Variants in ALOX12 observed in about 807,000 individuals in gnomAD.
The protein encoded by ALOX12 is arachidonate 12-lipoxygenase, 12S type, also known as polyunsaturated fatty acid lipoxygenase ALOX12.
Under a neutral mutation model 85.5 loss-of-function variants are expected in ALOX12, and 62 were observed. The observed-to-expected ratio is 0.73, with a 90% CI of 0.59 to 0.90. The LOEUF is 0.90. ALOX12 is among the 40% of genes least tolerant of loss of function. ALOX12 has a pLI of 0.00. For missense variants in ALOX12, 751 were observed against 856.5 expected (o/e 0.88, Z 1.54); for synonymous variants, 299 against 332.7 (o/e 0.90, Z 1.10).
At chr17:7,003,817 T>A (rs1908836545) in intron 8 of ALOX12, among the ~76,000 whole-genome samples, 1 of 152,152 alleles carries the variant, frequency 6.6e-6, no homozygotes, top group Non-Finnish European at 1.5e-5. Flanking sequence ...ACATTTGGCA[T>A]CTTTCATGAA....
chr17:7,003,373 A>G (rs1299922961), intron 8 of ALOX12, among the ~76,000 whole-genome samples: 2 of 152,236 alleles, frequency 1.3e-5, no homozygotes, highest in Non-Finnish European at 2.9e-5. Flanking sequence ...ATTAAAGGTT[A>G]AAATGACTTA....
chr17:7,003,202 C>A (rs1208556014), intron 8 of ALOX12, among the ~76,000 whole-genome samples: 1 of 152,174 alleles, frequency 6.6e-6, no homozygotes, highest in Non-Finnish European at 1.5e-5. Flanking sequence ...ATGCCATGCC[C>A]CAGCGGACAG....
chr17:7,008,757 AAAG>A (rs1380547071), intron 11 of ALOX12, among the ~76,000 whole-genome samples: 1 of 151,990 alleles, frequency 6.6e-6, no homozygotes, highest in Non-Finnish European at 1.5e-5. Flanking sequence ...AAAAAAAAAA[AAAG>A]ATTATCGGGT....
In ALOX12 at chr17:7,000,294, G is replaced by A. The variant is rs749281217; in HGVS notation, c.808-42G>A. The A allele has an allele frequency of 1.2e-6, 2 of 1,608,584 alleles. No homozygotes were observed. Among genetic ancestry groups the A allele is most frequent in the Non-Finnish European group, 1.7e-6 (2 of 1,175,896 alleles). On this transcript the variant is annotated intron_variant, in intron 6 of 13. Coordinates refer to ENST00000251535, the MANE Select transcript of ALOX12 (RefSeq NM_000697.3). This position sits in a 1 kb window ranked among gnomAD's most constrained non-coding sequence, Gnocchi z 4.6. Reference sequence around the variant, plus strand: ...CCTTTGCCCCGGCCCCCTGGGGGTAGACTTTGAACTCTAAAAATGGATACA... The same window carrying A: ...CCTTTGCCCCGGCCCCCTGGGGGTAAACTTTGAACTCTAAAAATGGATACA...
chr17:6,996,755 G>T, intron 1 of ALOX12, 71 bp from the exon 2 acceptor site: 1 of 1,512,494 alleles, frequency 6.6e-7, no homozygotes, highest in South Asian at 1.3e-5. Flanking sequence ...GCACAGGAGC[G>T]CGGCTCTGTC....
rs1909022869 is a variant in ALOX12, at chr17:7,005,906, G to A, written c.1297G>A (p.Ala433Thr). 1.2e-6 allele frequency: 2 copies of A among 1,613,598 alleles called. No homozygotes were observed. The highest frequency in any genetic ancestry group is 1.1e-5 in the South Asian group (1 of 91,082). Residue 433 changes from alanine (A) to threonine (T), a missense_variant, in exon 10 of 14, where the codon GCA becomes ACA. Transcript: ENST00000251535. ...GGHVQLLRRA[A>T]AQLTYCSLCP... The stretch of plus-strand genomic sequence containing the variant: ...CCATGTACAGTTGCTCCGTCGGGCG[G>A]CAGCTCAGCTGACCTACTGCTCCCT...
intron 8 of ALOX12, among the ~76,000 whole-genome samples, chr17:7,004,901 T>C (rs547041913): frequency 3.3e-5 from 5 of 152,324 alleles, no homozygotes; most frequent in South Asian, 2.1e-4. Context: ...AGGACTCTTA[T>C]GTGTAATAGA....
rs1908462363 is a variant in ALOX12, at chr17:6,996,826, G to C, written c.136G>C (p.Glu46Gln). ...ELQLRPARGE[E>Q]EEFDHDVAED... ...TCTGGCCTGGGTCCGGCCTGCACAG[G>C]AGGAGGAGTTTGATCATGACGTTGC... The change falls in exon 2 of 14, where the codon GAG becomes CAG. Residue 46 changes from glutamate (E) to glutamine (Q), a missense_variant and splice_region_variant. Physicochemically the swap from Glu to Gln is conservative, Grantham distance 29. Coordinates refer to ENST00000251535, the MANE Select transcript of ALOX12 (RefSeq NM_000697.3). The C allele has an allele frequency of 2.5e-6, 4 of 1,611,896 alleles. No individual in the cohort carries two copies. Among genetic ancestry groups the C allele is most frequent in the Non-Finnish European group, 3.4e-6 (4 of 1,178,314 alleles).
rs1908637279 is a variant in ALOX12 at position 7,000,092 on chromosome 17, G to A, written c.808-244G>A. 6.6e-6 allele frequency among the ~76,000 whole-genome samples: 1 copy of A among 152,126 alleles called. No homozygotes were observed. Among genetic ancestry groups the A allele is most frequent in the African/African-American group, 2.4e-5 (1 of 41,422 alleles). Reference sequence around the variant, plus strand: ...CAATGCCTGTGATGCCAACTGGATTGAGCAGGCCTGGTTCCAAACCCAGAT... The same window carrying A: ...CAATGCCTGTGATGCCAACTGGATTAAGCAGGCCTGGTTCCAAACCCAGAT... On this transcript the variant is annotated intron_variant, in intron 6 of 13. Coordinates refer to ENST00000251535, the MANE Select transcript of ALOX12 (RefSeq NM_000697.3). The surrounding 1 kb of genome is among the most constrained non-coding windows in gnomAD (Gnocchi z 4.6).
intron 8 of ALOX12, among the ~76,000 whole-genome samples, chr17:7,003,751 A>C (rs2920421): frequency 1.3e-5 from 2 of 152,028 alleles, no homozygotes; most frequent in Non-Finnish European, 1.5e-5. Flanking sequence ...ATTATTATTA[A>C]GGACTGTTTA....
At position 6,997,026 on chromosome 17, in the gene ALOX12, C is replaced by T. The variant is rs1314468498; in HGVS notation, c.336C>T (p.Thr112=). 3.9e-6 allele frequency: 6 copies of T among 1,536,508 alleles called. No homozygotes were observed. The highest frequency in any genetic ancestry group is 2.0e-5 in the Admixed American group (1 of 50,790). ...ACATCCTGAGCCTGCCCGAGGGCAC[C>T]GGTGAGCAGGCGGCGTCGGGGAAGG... The part of the protein sequence containing the change: ...GEDILSLPEG[T]ARLPGDNALD... Residue 112 remains threonine (T), a splice_region_variant and synonymous_variant, in exon 2 of 14, where the codon ACC becomes ACT. Transcript: ENST00000251535.
chr17:7,002,648 T>G (rs760985460), intron 8 of ALOX12: 8 of 368,792 alleles, frequency 2.2e-5, no homozygotes, highest in Non-Finnish European at 3.7e-5. Flanking sequence ...AAGAAAGAAA[T>G]ACTGTAATTT....
chr17:7,009,520 C>T (rs956854881), intron 11 of ALOX12: 22 of 516,404 alleles, frequency 4.3e-5, no homozygotes, highest in Non-Finnish European at 6.3e-5. Context: ...ATGTAGGTAT[C>T]GTCCATATTT....
At chr17:6,997,245 C>A (rs1908491768) in intron 2 of ALOX12, 1 of 679,394 alleles carries the variant, frequency 1.5e-6, no homozygotes, top group Non-Finnish European at 1.8e-6. Context: ...AGGCTGGAGG[C>A]AGGGAGTAAG....
In ALOX12 at chr17:6,996,966, G is replaced by T; in HGVS notation, c.276G>T (p.Val92=). ...TVQGPGACAE[V]AFPCYRWVQG... is the part of the protein sequence containing the mutation. ...AGGGCCCTGGAGCCTGCGCGGAGGT[G>T]GCCTTCCCGTGCTACCGCTGGGTGC... The change falls in exon 2 of 14, where the codon GTG becomes GTT. Residue 92 remains valine, a synonymous_variant. Transcript: ENST00000251535. 6.3e-7 allele frequency: 1 copy of T among 1,586,538 alleles called. No homozygotes were observed. The highest frequency in any genetic ancestry group is 8.6e-7 in the Non-Finnish European group (1 of 1,166,214).
rs561917387 is a variant in ALOX12, at chr17:7,006,854, C to T, written c.1540+247C>T. 8.7e-4 allele frequency among the ~76,000 whole-genome samples: 133 copies of T among 152,250 alleles called. 1 individual carries two copies. Among genetic ancestry groups the T allele is most frequent in the African/African-American group, 2.9e-3 (122 of 41,540 alleles). On this transcript the variant is annotated intron_variant, in intron 11 of 13. Coordinates refer to ENST00000251535, the MANE Select transcript of ALOX12 (RefSeq NM_000697.3). ...TCCCACTACACCCCAGTCACAGATGCCCCTGAACTGCCATATCCTGGGGCC... is the reference window on the plus strand; with the variant it reads ...TCCCACTACACCCCAGTCACAGATGTCCCTGAACTGCCATATCCTGGGGCC...
rs1033085612 is a variant in ALOX12, at chr17:7,000,414, C to G, written c.886C>G (p.Leu296Val). The G allele has an allele frequency of 6.2e-7, 1 of 1,614,160 alleles. No homozygotes were observed. The highest frequency in any genetic ancestry group is 1.3e-5 in the African/African-American group (1 of 75,042). The change falls in exon 7 of 14, where the codon CTG becomes GTG. Residue 296 changes from leucine (L) to valine (V), a missense_variant. Leu to Val is a conservative substitution (Grantham distance 32, BLOSUM62 1). Transcript: ENST00000251535. This position sits in a 1 kb window ranked among gnomAD's most constrained non-coding sequence, Gnocchi z 4.6. Reference protein sequence around the residue: ...ANVIRGEKQYLAAPLVMLKME... With the variant: ...ANVIRGEKQYVAAPLVMLKME... ...CGTGATCCGAGGAGAGAAGCAATACCTGGCTGCCCCCCTCGTTATGCTGAA... is the reference window on the plus strand; with the variant it reads ...CGTGATCCGAGGAGAGAAGCAATACGTGGCTGCCCCCCTCGTTATGCTGAA...
chr17:6,997,761 C>T (rs1260876033), intron 2 of ALOX12, among the ~76,000 whole-genome samples: 1 of 151,764 alleles, frequency 6.6e-6, no homozygotes, highest in African/African-American at 2.4e-5. Flanking sequence ...GGAGTTTCAC[C>T]GTATTAGCCA....
rs1597847721 is a variant in ALOX12, at chr17:6,996,065, C to A, written c.-53C>A. The A allele has an allele frequency of 2.4e-6, 3 of 1,238,144 alleles. No homozygotes were observed. In the East Asian group the frequency reaches 9.5e-5, roughly 39 times the overall value. 76.7% of individuals were successfully genotyped at this position (1,238,144 alleles called of 1,614,324 possible). A position where few individuals can be genotyped will look rare whatever the true frequency, so the allele number is the denominator to read the frequency against. ...CGAGGCGCCGGCAGCCCTGGGCGGT[C>A]CCGGGAATCGCACAGGACCCGGCTC... On this transcript the variant is annotated 5_prime_UTR_variant, in exon 1 of 14. Coordinates refer to ENST00000251535, the MANE Select transcript of ALOX12 (RefSeq NM_000697.3).
Sources: gnomAD v4.1 joint callset for allele counts (sites outside exome capture counted in the v4.1 genomes callset) on GRCh38, gnomAD v4.1.1 for gene constraint, Gnocchi (gnomAD v3.1) non-coding constraint, MANE v1.5 for transcripts, NCBI Gene and HGNC (gene_info 2026-07-23, HGNC 2026-07-21) for gene names.